The following DCDC1 variants were observed in gnomAD, a reference collection of about 807,000 sequenced individuals.
DCDC1 encodes doublecortin domain-containing protein 1.
DCDC1 carries 200 observed loss-of-function variants against 178.3 expected under a neutral mutation model. That is an observed-to-expected ratio of 1.12 (90% CI 1.00 to 1.26). The LOEUF is 1.26. Ranked by LOEUF, DCDC1 falls within the 50% of genes most tolerant of loss-of-function variation. The pLI is 0.00. For synonymous variants in DCDC1, 690 were observed against 604.8 expected (o/e 1.14, Z -2.07); for missense variants, 1,983 against 1,749.2 (o/e 1.13, Z -2.38).
chr11:31,003,095 T>C (rs1340934232), intron 20 of DCDC1, among the ~76,000 whole-genome samples: 2 of 150,790 alleles, frequency 1.3e-5, no homozygotes, highest in African/African-American at 4.9e-5. Context: ...TAAATATATA[T>C]ATATATATAT....
intron 9 of DCDC1, among the ~76,000 whole-genome samples, chr11:31,144,119 T>A (rs1016742095): frequency 6.6e-6 from 1 of 152,068 alleles, no homozygotes; most frequent in Admixed American, 6.6e-5. Flanking sequence ...TAAAGAAACT[T>A]ACTTATTTTT....
intron 20 of DCDC1, among the ~76,000 whole-genome samples, chr11:30,985,498 G>A (rs1480560280): frequency 2.6e-5 from 4 of 152,072 alleles, no homozygotes; most frequent in Non-Finnish European, 5.9e-5. Flanking sequence ...TTCACATAAA[G>A]TAAAATGTGC....
At chr11:31,140,226 G>A (rs571331547) in intron 9 of DCDC1, among the ~76,000 whole-genome samples, 87 of 152,136 alleles carry the variant, frequency 5.7e-4, no homozygotes, top group Admixed American at 3.1e-3. Context: ...ATAACTTTTT[G>A]TCAATGGGTT....
intron 20 of DCDC1, among the ~76,000 whole-genome samples, chr11:30,954,803 C>A (rs1384452834): frequency 1.3e-5 from 2 of 152,212 alleles, no homozygotes; most frequent in Non-Finnish European, 2.9e-5. Context: ...TTAGCCCCAT[C>A]AGATCCATCC....
chr11:31,200,476 T>C (rs1023969423), intron 9 of DCDC1, among the ~76,000 whole-genome samples: 1 of 152,094 alleles, frequency 6.6e-6, no homozygotes, highest in Non-Finnish European at 1.5e-5. Context: ...GGCAACGATA[T>C]AAATTTTTGA....
intron 8 of DCDC1, among the ~76,000 whole-genome samples, chr11:31,244,772 A>G (rs576240350): frequency 6.6e-6 from 1 of 151,874 alleles, no homozygotes; most frequent in East Asian, 1.9e-4. Flanking sequence ...CCACCCCTGG[A>G]AAGGTGAAAA....
In DCDC1 at chr11:31,222,095, C is replaced by T. The variant is rs574811260; in HGVS notation, c.1221+19355G>A. 3.2e-4 allele frequency among the ~76,000 whole-genome samples: 49 copies of T among 152,278 alleles called. 2 individuals carry two copies. The South Asian group carries it at 9.3e-3, about 29-fold the overall frequency. On this transcript the variant is annotated intron_variant, in intron 9 of 38. Coordinates refer to ENST00000684477, the MANE Select transcript of DCDC1 (RefSeq NM_001387274.1). ...TTGTTATTTTTGAAACAAAGTCTCA[C>T]TCTGTCACCCAGGCTTGGGTGCAGT...
intron 9 of DCDC1, among the ~76,000 whole-genome samples, chr11:31,140,778 A>T (rs1963724726): frequency 6.6e-6 from 1 of 152,184 alleles, no homozygotes; most frequent in African/African-American, 2.4e-5. Context: ...AAATCCACAA[A>T]GGTGTACCTG....
At chr11:31,155,559 T>C (rs772785030) in intron 9 of DCDC1, among the ~76,000 whole-genome samples, 11 of 152,248 alleles carry the variant, frequency 7.2e-5, no homozygotes, top group Non-Finnish European at 1.5e-4. Flanking sequence ...ATTTATTGAA[T>C]ACTCATTATG....
chr11:31,221,876 A>T (rs1974318051), intron 9 of DCDC1, among the ~76,000 whole-genome samples: 1 of 151,960 alleles, frequency 6.6e-6, no homozygotes, highest in South Asian at 2.1e-4. Context: ...CTCCTTTCAC[A>T]TTTTATTATA....
chr11:31,290,375 C>A (rs1275883013), intron 7 of DCDC1, among the ~76,000 whole-genome samples: 1 of 151,936 alleles, frequency 6.6e-6, no homozygotes, highest in Non-Finnish European at 1.5e-5. Flanking sequence ...AATGTTTTCT[C>A]TAGTAGAAAC....
intron 11 of DCDC1, among the ~76,000 whole-genome samples, chr11:31,125,809 A>C (rs1224847062): frequency 6.6e-6 from 1 of 152,140 alleles, no homozygotes; most frequent in African/African-American, 2.4e-5. Flanking sequence ...CATTAGGGAA[A>C]AGAGCTAATG....
At chr11:31,117,392 A>C (rs894073259) in intron 11 of DCDC1, among the ~76,000 whole-genome samples, 1 of 151,824 alleles carries the variant, frequency 6.6e-6, no homozygotes, top group Admixed American at 6.6e-5. Flanking sequence ...AAAAAAAAAA[A>C]ATTCTAAACT....
At chr11:31,017,789 TACTA>T (rs1376327270) in intron 20 of DCDC1, among the ~76,000 whole-genome samples, 3 of 152,128 alleles carry the variant, frequency 2.0e-5, no homozygotes, top group African/African-American at 7.2e-5. Context: ...AGATCTTACT[TACTA>T]TGTTGCCCAG....
intron 7 of DCDC1, among the ~76,000 whole-genome samples, chr11:31,267,253 C>T (rs1016113564): frequency 1.3e-5 from 2 of 151,678 alleles, no homozygotes; most frequent in Non-Finnish European, 2.9e-5. Flanking sequence ...TGCAGTGGTA[C>T]GATCTCAGCT....
chr11:30,992,775 A>C (rs1951061986), intron 20 of DCDC1: 1 of 152,206 alleles, frequency 6.6e-6, no homozygotes, highest in South Asian at 2.1e-4. Flanking sequence ...TTGTAAGACA[A>C]TGTGTAGTAT....
chr11:31,114,684 G>A (rs562219933), intron 11 of DCDC1, among the ~76,000 whole-genome samples: 2 of 152,316 alleles, frequency 1.3e-5, no homozygotes, highest in Non-Finnish European at 2.9e-5. Context: ...ACTGTGACTG[G>A]AGCAGAGTGA....
intron 20 of DCDC1, among the ~76,000 whole-genome samples, chr11:30,990,692 T>A (rs1950924218): frequency 6.6e-6 from 1 of 152,228 alleles, no homozygotes; most frequent in Non-Finnish European, 1.5e-5. Context: ...TTTACACTAA[T>A]AACAAAGCAC....
intron 20 of DCDC1, among the ~76,000 whole-genome samples, chr11:31,056,356 G>A (rs1239826090): frequency 1.3e-5 from 2 of 151,962 alleles, no homozygotes; most frequent in Non-Finnish European, 2.9e-5. Flanking sequence ...CAAAATACCA[G>A]TAATTACATT....
Sources: gnomAD v4.1 joint callset for allele counts (sites outside exome capture counted in the v4.1 genomes callset) on GRCh38, gnomAD v4.1.1 for gene constraint, MANE v1.5 for transcripts, NCBI Gene and HGNC (gene_info 2026-07-23, HGNC 2026-07-21) for gene names.